The following PPP1CC variants were observed in gnomAD, a reference collection of about 807,000 sequenced individuals.
PPP1CC encodes the protein protein phosphatase 1 catalytic subunit gamma.
In PPP1CC, 16 loss-of-function variants were observed where a neutral mutation model predicts 38.4. That is an observed-to-expected ratio of 0.42 (90% CI 0.28 to 0.63). PPP1CC has a LOEUF of 0.63. PPP1CC is among the 30% of genes least tolerant of loss of function. PPP1CC has a pLI of 0.25. For synonymous variants in PPP1CC, 158 were observed against 136.0 expected, an observed-to-expected ratio of 1.16 and a Z score of -1.13; for missense variants, 170 against 391.3, an observed-to-expected ratio of 0.43 and a Z score of 4.77.
chr12:110,737,493 A>AAAAAAAAAAAAAAAAAAAG (rs1555244764), intron 1 of PPP1CC, among the ~76,000 whole-genome samples: 1 of 150,456 alleles, frequency 6.6e-6, no homozygotes. Context: ...AAAAAAAAAA[A>AAAAAAAAAAAAAAAAAAAG]AAAAAAAAGA....
At chr12:110,724,902 T>C (rs2069778971) in intron 3 of PPP1CC, 138 bp from the exon 4 acceptor site, 1 of 491,042 alleles carries the variant, frequency 2.0e-6, no homozygotes. Flanking sequence ...ATTAAGAATC[T>C]TAATAAAACC....
At chr12:110,741,184 T>G (rs2070013001) in intron 1 of PPP1CC, among the ~76,000 whole-genome samples, 1 of 146,268 alleles carries the variant, frequency 6.8e-6, no homozygotes, top group Non-Finnish European at 1.5e-5. Context: ...ACATTTAGTG[T>G]TTTTTTTGTT....
chr12:110,710,318 G>A, the PPP1CC span, among the ~76,000 whole-genome samples: 5 of 151,456 alleles, frequency 3.3e-5, no homozygotes, highest in African/African-American at 9.8e-5. Context: ...CAAGGTGGGC[G>A]GATCACCTGA....
At chr12:110,738,184 T>C (rs1384895264) in intron 1 of PPP1CC, among the ~76,000 whole-genome samples, 4 of 152,130 alleles carry the variant, frequency 2.6e-5, no homozygotes, top group African/African-American at 9.7e-5. Context: ...TAAACCCCAG[T>C]GAAGTGGGGA....
At chr12:110,713,129 T>C in the PPP1CC span, among the ~76,000 whole-genome samples, 1 of 146,986 alleles carries the variant, frequency 6.8e-6, no homozygotes, top group Non-Finnish European at 1.5e-5. Flanking sequence ...GGTAGTTACA[T>C]GTTGACTTTC....
In PPP1CC at chr12:110,721,055, T is replaced by C; in HGVS notation, c.*21A>G. 1 of 1,605,500 alleles carries C rather than the reference T, an allele frequency of 6.2e-7. No individual in the cohort carries two copies. The highest frequency in any genetic ancestry group is 1.1e-5 in the South Asian group (1 of 90,908). ...TATACTCTATGTTACAAGTCCCGAC[T>C]AGGCAGTGTCAAAACGACATCTATT... On this transcript the variant is annotated 3_prime_UTR_variant, in exon 7 of 7. Transcript: ENST00000335007.
chr12:110,731,410 T>C (rs2069870645), intron 2 of PPP1CC, among the ~76,000 whole-genome samples: 1 of 152,084 alleles, frequency 6.6e-6, no homozygotes, highest in African/African-American at 2.4e-5. Context: ...AACCACAAAA[T>C]CAGTATCAAG....
At position 110,720,068 on chromosome 12, in the gene PPP1CC, G is replaced by T; in HGVS notation, c.*1008C>A. The T allele has an allele frequency of 7.1e-7, 1 of 1,417,152 alleles. No homozygotes were observed. The highest frequency in any genetic ancestry group is 9.6e-7 in the Non-Finnish European group (1 of 1,044,456). The allele number at this position is 1,417,152 out of a possible 1,614,324, so 87.8% of individuals were successfully genotyped here. On this transcript the variant is annotated 3_prime_UTR_variant, in exon 7 of 7. Transcript: ENST00000335007. ...TGGTGGACAGTAAGTTAGTTCCTTTGTTTTAACTTATAAGCCTCAACTTCA... is the reference window on the plus strand; with the variant it reads ...TGGTGGACAGTAAGTTAGTTCCTTTTTTTTAACTTATAAGCCTCAACTTCA...
chr12:110,709,772 C>T, the PPP1CC span, among the ~76,000 whole-genome samples: 35 of 151,490 alleles, frequency 2.3e-4, no homozygotes, highest in Admixed American at 5.9e-4. Flanking sequence ...GTCTTGAACT[C>T]CTGACCTCAA....
At chr12:110,708,874 GA>G in the PPP1CC span, among the ~76,000 whole-genome samples, 1 of 146,796 alleles carries the variant, frequency 6.8e-6, no homozygotes, top group African/African-American at 2.5e-5. Flanking sequence ...AAAAAGAAAA[GA>G]AAAGAAAAAT....
chr12:110,718,921 T>G (rs1028968313), downstream of PPP1CC, among the ~76,000 whole-genome samples: 1 of 152,018 alleles, frequency 6.6e-6, no homozygotes, highest in Non-Finnish European at 1.5e-5. Context: ...TTAAGAAAAA[T>G]TTGAGCCAGA....
Position 110,720,228 on chromosome 12 carries a change from T to A in PPP1CC, c.*848A>T. 1.3e-6 allele frequency: 2 copies of A among 1,515,864 alleles called. No homozygotes were observed. The highest frequency in any genetic ancestry group is 1.8e-6 in the Non-Finnish European group (2 of 1,126,888). The allele number at this position is 1,515,864 out of a possible 1,614,324, so 93.9% of individuals were successfully genotyped here. On this transcript the variant is annotated 3_prime_UTR_variant, in exon 7 of 7. Transcript: ENST00000335007. The stretch of plus-strand genomic sequence containing the variant: ...AACTGTAAAAAGATTACTTAATGAA[T>A]AGACTATATGGAAATTGTATAAAAT...
chr12:110,733,995 T>G (rs2069912304), intron 1 of PPP1CC, among the ~76,000 whole-genome samples: 1 of 152,202 alleles, frequency 6.6e-6, no homozygotes, highest in Non-Finnish European at 1.5e-5. Flanking sequence ...ACTTCAGGCC[T>G]CTGCTCAGAT....
chr12:110,729,655 G>C (rs1233479798), intron 3 of PPP1CC, among the ~76,000 whole-genome samples: 1 of 152,226 alleles, frequency 6.6e-6, no homozygotes, highest in Non-Finnish European at 1.5e-5. Flanking sequence ...CTTCCTGGGT[G>C]TGGATATGCC....
chr12:110,712,665 A>AG, the PPP1CC span, among the ~76,000 whole-genome samples: 1 of 139,976 alleles, frequency 7.1e-6, no homozygotes, highest in African/African-American at 2.9e-5. Flanking sequence ...AAAAAAAAAA[A>AG]AGGGGGGGCA....
At chr12:110,710,974 G>A in the PPP1CC span, among the ~76,000 whole-genome samples, 1 of 151,452 alleles carries the variant, frequency 6.6e-6, no homozygotes, top group Non-Finnish European at 1.5e-5. Flanking sequence ...CCAGGAGTTC[G>A]AGACCAGCCT....
At position 110,730,716 on chromosome 12, in the gene PPP1CC, C is replaced by T; in HGVS notation, c.231G>A (p.Glu77=). 6.2e-7 allele frequency: 1 copy of T among 1,613,876 alleles called. No homozygotes were observed. Among genetic ancestry groups the T allele is most frequent in the Non-Finnish European group, 8.5e-7 (1 of 1,179,944 alleles). Residue 77 remains glutamate (E), a synonymous_variant, in exon 3 of 7, where the codon GAG becomes GAA. Coordinates refer to ENST00000335007, the MANE Select transcript of PPP1CC (RefSeq NM_002710.4). ...TGCTTTCTGGTGGGAAACCACCGTA[C>T]TCAAAAAGTCGCAGCAAATCATAGT... ...GQYYDLLRLF[E]YGGFPPESNY... is the part of the protein sequence containing the mutation.
In PPP1CC at chr12:110,720,281, A is replaced by C. The variant is rs2069723535; in HGVS notation, c.*795T>G. Reference sequence around the variant, plus strand: ...TATTACCTTTTATCGTTAGTAGCTTAAACAGCACTATATCACTAATTGCTA... The same window carrying C: ...TATTACCTTTTATCGTTAGTAGCTTCAACAGCACTATATCACTAATTGCTA... On this transcript the variant is annotated 3_prime_UTR_variant, in exon 7 of 7. Transcript: ENST00000335007. 8.1e-7 allele frequency: 1 copy of C among 1,231,608 alleles called. No homozygotes were observed. The highest frequency in any genetic ancestry group is 2.5e-5 in the East Asian group (1 of 39,506). The allele number at this position is 1,231,608 out of a possible 1,614,324, so 76.3% of individuals were successfully genotyped here.
chr12:110,720,010 A>G lies in PPP1CC; in HGVS notation c.*1066T>C. ...TCTTTTTTAACAGATCTTAGTTTAA[A>G]AAAGTCATAGGTACTGTGAGTTCTG... On this transcript the variant is annotated 3_prime_UTR_variant, in exon 7 of 7. Transcript: ENST00000335007. 1 of 783,248 alleles carries G rather than the reference A, an allele frequency of 1.3e-6. No homozygotes were observed. The highest frequency in any genetic ancestry group is 2.0e-6 in the Non-Finnish European group (1 of 503,948). 48.5% of individuals were successfully genotyped at this position (783,248 alleles called of 1,614,324 possible). A position where few individuals can be genotyped will look rare whatever the true frequency, so the allele number is the denominator to read the frequency against.
Sources: allele counts gnomAD v4.1 joint callset (sites outside exome capture counted in the v4.1 genomes callset), GRCh38; gene constraint gnomAD v4.1.1; transcripts MANE v1.5; gene names NCBI Gene and HGNC (gene_info 2026-07-23, HGNC 2026-07-21).